The following ERLEC1 variants were observed in gnomAD, a reference collection of about 807,000 sequenced individuals.
The protein encoded by ERLEC1 is endoplasmic reticulum lectin 1.
ERLEC1 carries 47 observed loss-of-function variants against 68.0 expected under a neutral mutation model. The ratio of observed to expected loss-of-function variants is 0.69; its 90% CI spans 0.55 to 0.88. The LOEUF (loss-of-function observed/expected upper bound fraction) is 0.88. Among genes scored for constraint, ERLEC1 ranks in the 40% least tolerant of loss-of-function variants. The pLI, the probability that ERLEC1 is intolerant of heterozygous loss-of-function variation, is 0.00. For missense variants in ERLEC1, 567 were observed against 583.8 expected (o/e 0.97, Z 0.30); for synonymous variants, 225 against 203.2 (o/e 1.11, Z -0.91).
intron 13 of ERLEC1, among the ~76,000 whole-genome samples, chr2:53,817,606 G>T (rs897820958): frequency 1.3e-5 from 2 of 151,888 alleles, no homozygotes; most frequent in Admixed American, 1.3e-4. Context: ...TTGCCATAAT[G>T]TTCTATCATT....
intron 10 of ERLEC1, among the ~76,000 whole-genome samples, chr2:53,812,676 C>T (rs2287348): frequency 0.26 from 39,074 of 151,842 alleles, 6,024 homozygotes; most frequent in East Asian, 0.46. Context: ...ATGGGACTTA[C>T]CTGTAGAAGA....
At chr2:53,787,450 C>T (rs956964549) in intron 1 of ERLEC1, 78 bp downstream of exon 1, 158 of 1,494,630 alleles carry the variant, frequency 1.1e-4, no homozygotes, top group Admixed American at 2.3e-4. Context: ...GTTTTCTTTG[C>T]TTTTTCTCCC....
At position 53,801,395 on chromosome 2, in the gene ERLEC1, A is replaced by C. The variant is rs747479317; in HGVS notation, c.526-2A>C. 1 of 1,609,070 alleles carries C rather than the reference A, an allele frequency of 6.2e-7. No homozygotes were observed. Among genetic ancestry groups the C allele is most frequent in the Non-Finnish European group, 8.5e-7 (1 of 1,177,372 alleles). ...GTCTGTCTTATACTCTTTTTTTTTA[A>C]GATTCCCACTAAAAATATCGAAGGT... On this transcript the variant is annotated splice_acceptor_variant, in intron 6 of 13. Transcript: ENST00000185150. LOFTEE classifies it high-confidence loss of function.
chr2:53,788,944 TAAAA>T (rs1297638222), intron 1 of ERLEC1, among the ~76,000 whole-genome samples: 1 of 152,044 alleles, frequency 6.6e-6, no homozygotes, highest in African/African-American at 2.4e-5. Context: ...TTTTTTAATT[TAAAA>T]AAACTTGCTG....
intron 1 of ERLEC1, chr2:53,787,600 C>T (rs1558586891): frequency 4.7e-6 from 2 of 426,812 alleles, no homozygotes; most frequent in Non-Finnish European, 8.2e-6. Context: ...CTGCTCTCCA[C>T]CTTTTCAATT....
At chr2:53,812,707 G>T (rs1453944660) in intron 10 of ERLEC1, among the ~76,000 whole-genome samples, 2 of 152,054 alleles carry the variant, frequency 1.3e-5, no homozygotes, top group African/African-American at 2.4e-5. Flanking sequence ...TAGAAGAGCC[G>T]AAAATAACTA....
rs528055245 is a variant in ERLEC1, at chr2:53,817,735, G to GTTGT, written c.1381-160_1381-157dup. On this transcript the variant is annotated intron_variant, in intron 13 of 13. Coordinates refer to ENST00000185150, the MANE Select transcript of ERLEC1 (RefSeq NM_015701.5). ...TCATATTCTGTATGGATGACTAAAA[G>GTTGT]TTGTTTTTCAAGAAGCTTAATTTGT... Among the ~76,000 whole-genome samples, 22 of 152,192 alleles carry GTTGT rather than the reference G, an allele frequency of 1.4e-4. No homozygotes were observed. The South Asian group carries it at 4.1e-3, about 29-fold the overall frequency.
chr2:53,789,538 G>C (rs1338584560), intron 1 of ERLEC1, among the ~76,000 whole-genome samples: 1 of 152,154 alleles, frequency 6.6e-6, no homozygotes, highest in Non-Finnish European at 1.5e-5. Context: ...GAGGACTACA[G>C]GTGGTCACCA....
At chr2:53,794,273 C>A in intron 1 of ERLEC1, 72 bp from the exon 2 acceptor site, 1 of 612,446 alleles carries the variant, frequency 1.6e-6, no homozygotes, top group Non-Finnish European at 2.8e-6. Flanking sequence ...TTTTTTCCAG[C>A]TAAGACTAAA....
intron 3 of ERLEC1, 108 bp downstream of exon 3, chr2:53,796,121 T>A (rs77355745): frequency 6.0e-6 from 4 of 664,034 alleles, no homozygotes; most frequent in African/African-American, 3.8e-5. Flanking sequence ...TTTTTTTTTT[T>A]AACTATTATT....
At chr2:53,787,553 C>T in intron 1 of ERLEC1, 181 bp downstream of exon 1, 1 of 621,930 alleles carries the variant, frequency 1.6e-6, no homozygotes, top group Non-Finnish European at 2.6e-6. Context: ...TATGTGGATG[C>T]GTCCCCCTTG....
intron 11 of ERLEC1, 87 bp downstream of exon 11, chr2:53,813,160 T>G: frequency 6.7e-7 from 1 of 1,492,840 alleles, no homozygotes; most frequent in Non-Finnish European, 9.1e-7. Context: ...TTCAAACATT[T>G]AAGTAAAATC....
intron 10 of ERLEC1, among the ~76,000 whole-genome samples, 170 bp downstream of exon 10, chr2:53,809,443 C>G (rs757941730): frequency 2.0e-5 from 3 of 152,106 alleles, no homozygotes; most frequent in Admixed American, 6.6e-5. Flanking sequence ...TTGGCATTAA[C>G]CAAATCGGTA....
At chr2:53,792,899 A>G (rs908936270) in intron 1 of ERLEC1, among the ~76,000 whole-genome samples, 1 of 151,984 alleles carries the variant, frequency 6.6e-6, no homozygotes, top group Non-Finnish European at 1.5e-5. Context: ...AGTCCCAGCT[A>G]CTAGGGAGGC....
intron 10 of ERLEC1, among the ~76,000 whole-genome samples, chr2:53,810,951 T>G (rs181547031): frequency 6.6e-6 from 1 of 152,320 alleles, no homozygotes; most frequent in Admixed American, 6.5e-5. Context: ...CCAGAAATTT[T>G]AAATGAGAAG....
intron 13 of ERLEC1, 56 bp downstream of exon 13, chr2:53,814,991 T>C (rs1676790012): frequency 1.9e-6 from 2 of 1,079,510 alleles, no homozygotes; most frequent in African/African-American, 1.8e-5. Flanking sequence ...TTTAATTTTT[T>C]TTTCTTTTTT....
intron 8 of ERLEC1, among the ~76,000 whole-genome samples, chr2:53,806,607 C>T (rs1271479338): frequency 6.6e-6 from 1 of 152,074 alleles, no homozygotes; most frequent in Non-Finnish European, 1.5e-5. Flanking sequence ...CTTGACAGTC[C>T]TTGTTCTTCC....
rs1332204928 is a variant in ERLEC1, at chr2:53,794,461, T to A, written c.267+12T>A. 1 of 1,237,548 alleles carries A rather than the reference T, an allele frequency of 8.1e-7. No individual in the cohort carries two copies. The highest frequency in any genetic ancestry group is 1.5e-5 in the African/African-American group (1 of 66,028). 76.7% of individuals were successfully genotyped at this position (1,237,548 alleles called of 1,614,324 possible). A position where few individuals can be genotyped will look rare whatever the true frequency, so the allele number is the denominator to read the frequency against. On this transcript the variant is annotated intron_variant, in intron 2 of 13. Transcript: ENST00000185150. ...CAAGTGGGGATGAGGTAAGTTTTTA[T>A]AAATATATTGATAATCCTGTCACCA... is the stretch of plus-strand genomic sequence containing the variant.
At position 53,787,109 on chromosome 2, in the gene ERLEC1, G is replaced by A. The variant is rs1483229274; in HGVS notation, c.-102G>A. ...GCGGTTGGGCCGGTGATACCCGGGC[G>A]CTTTATAGTCCCGCCGCCTCCTCCT... On this transcript the variant is annotated 5_prime_UTR_variant, in exon 1 of 14. Transcript: ENST00000185150. 2.2e-6 allele frequency: 3 copies of A among 1,371,814 alleles called. No homozygotes were observed. The highest frequency in any genetic ancestry group is 3.0e-5 in the Admixed American group (1 of 33,536). 85.0% of individuals were successfully genotyped at this position (1,371,814 alleles called of 1,614,324 possible).
Sources: gnomAD v4.1 joint callset for allele counts (sites outside exome capture counted in the v4.1 genomes callset) on GRCh38, gnomAD v4.1.1 for gene constraint, MANE v1.5 for transcripts, NCBI Gene and HGNC (gene_info 2026-07-23, HGNC 2026-07-21) for gene names.